Variants in NELL1 observed in about 807,000 individuals in gnomAD.
NELL1 encodes the protein neural EGFL like 1, also known as protein kinase C-binding protein NELL1.
NELL1 carries 76 observed loss-of-function variants against 107.4 expected under a neutral mutation model. The ratio of observed to expected loss-of-function variants is 0.71; its 90% CI spans 0.59 to 0.86. NELL1 has a LOEUF of 0.86. NELL1 is among the 40% of genes least tolerant of loss of function. NELL1 has a pLI of 0.00. For missense variants in NELL1, 1,024 were observed against 1,005.5 expected (o/e 1.02, Z -0.25); for synonymous variants, 353 against 341.2 (o/e 1.03, Z -0.38).
intron 3 of NELL1, among the ~76,000 whole-genome samples, chr11:20,790,250 A>G (rs1042030668): frequency 2.0e-5 from 3 of 152,142 alleles, no homozygotes; most frequent in African/African-American, 7.2e-5. Context: ...CTGCAGGCAA[A>G]TGCTGAGCTG....
intron 17 of NELL1, among the ~76,000 whole-genome samples, chr11:21,561,698 A>G (rs982998967): frequency 3.3e-4 from 50 of 152,078 alleles, no homozygotes; most frequent in African/African-American, 1.2e-3. Context: ...CCAGTTAGGT[A>G]ACTGGTAATC....
intron 4 of NELL1, among the ~76,000 whole-genome samples, chr11:20,874,769 T>G (rs1404397381): frequency 1.3e-5 from 2 of 152,198 alleles, no homozygotes; most frequent in Non-Finnish European, 2.9e-5. Flanking sequence ...TTCTCTATCT[T>G]GAGCTCAAAG....
chr11:21,396,407 A>G (rs1431954001), intron 15 of NELL1, among the ~76,000 whole-genome samples: 2 of 151,690 alleles, frequency 1.3e-5, no homozygotes, highest in African/African-American at 4.8e-5. Flanking sequence ...TCAGAATGCT[A>G]GACACAAGAG....
chr11:21,261,189 C>A (rs571304061), intron 14 of NELL1, among the ~76,000 whole-genome samples: 2 of 149,682 alleles, frequency 1.3e-5, no homozygotes, highest in Admixed American at 6.7e-5. Context: ...AATGAAATGG[C>A]CTTTTTTTTT....
intron 4 of NELL1, among the ~76,000 whole-genome samples, chr11:20,869,743 G>T (rs1322559129): frequency 6.6e-6 from 1 of 152,162 alleles, no homozygotes; most frequent in Non-Finnish European, 1.5e-5. Flanking sequence ...TACCAGGTAT[G>T]GTGAGAAGAA....
At chr11:20,894,074 C>T (rs1002135998) in intron 5 of NELL1, among the ~76,000 whole-genome samples, 1 of 152,164 alleles carries the variant, frequency 6.6e-6, no homozygotes, top group African/African-American at 2.4e-5. Flanking sequence ...AACTGAATAT[C>T]CCCATGGGGA....
intron 15 of NELL1, among the ~76,000 whole-genome samples, chr11:21,389,952 G>T (rs1010179378): frequency 1.3e-5 from 2 of 151,714 alleles, no homozygotes; most frequent in African/African-American, 4.8e-5. Flanking sequence ...TGCTGGGCAT[G>T]CTTAGGTGTA....
At chr11:20,951,144 G>A (rs1851061271) in intron 11 of NELL1, among the ~76,000 whole-genome samples, 1 of 152,160 alleles carries the variant, frequency 6.6e-6, no homozygotes, top group Non-Finnish European at 1.5e-5. Context: ...AGTGGATTTT[G>A]CTCACTGTCA....
chr11:21,241,178 G>C (rs972257645), intron 14 of NELL1, among the ~76,000 whole-genome samples: 1 of 152,068 alleles, frequency 6.6e-6, no homozygotes, highest in African/African-American at 2.4e-5. Flanking sequence ...TGGACCAGGA[G>C]ACTTTAGGAA....
intron 16 of NELL1, among the ~76,000 whole-genome samples, chr11:21,555,282 G>T (rs1184177474): frequency 6.6e-6 from 1 of 151,884 alleles, no homozygotes; most frequent in Non-Finnish European, 1.5e-5. Flanking sequence ...CTCTTAGACT[G>T]AAATAATCAA....
chr11:20,940,895 T>C (rs539477661), intron 10 of NELL1, among the ~76,000 whole-genome samples: 1 of 152,272 alleles, frequency 6.6e-6, no homozygotes, highest in African/African-American at 2.4e-5. Flanking sequence ...CCCAGCACTT[T>C]TGAGAGGCTG....
intron 14 of NELL1, among the ~76,000 whole-genome samples, chr11:21,357,868 G>T (rs979559469): frequency 6.6e-6 from 1 of 152,120 alleles, no homozygotes; most frequent in African/African-American, 2.4e-5. Context: ...CACATGGCCT[G>T]CCAGTTATCC....
chr11:20,713,042 T>C (rs996978734), intron 2 of NELL1, among the ~76,000 whole-genome samples: 9 of 152,232 alleles, frequency 5.9e-5, no homozygotes, highest in African/African-American at 2.2e-4. Context: ...GTTTTCTCTT[T>C]CCTGGGAGCA....
At chr11:20,713,468 G>A (rs1855162397) in intron 2 of NELL1, among the ~76,000 whole-genome samples, 1 of 152,136 alleles carries the variant, frequency 6.6e-6, no homozygotes, top group Admixed American at 6.6e-5. Flanking sequence ...GGTAGTGAAA[G>A]GTCTCACCCA....
intron 8 of NELL1, 41 bp from the exon 9 acceptor site, chr11:20,928,336 G>C: frequency 6.5e-7 from 1 of 1,544,286 alleles, no homozygotes; most frequent in Non-Finnish European, 9.0e-7. Flanking sequence ...AGCTATCAAA[G>C]GATACTTCTG....
chr11:20,778,879 T>C (rs1376296869), intron 2 of NELL1, among the ~76,000 whole-genome samples: 4 of 152,178 alleles, frequency 2.6e-5, no homozygotes, highest in Non-Finnish European at 4.4e-5. Flanking sequence ...GGTTAACACA[T>C]GTAGGATTGA....
At chr11:20,771,355 A>G (rs1214667036) in intron 2 of NELL1, among the ~76,000 whole-genome samples, 4 of 152,176 alleles carry the variant, frequency 2.6e-5, no homozygotes, top group African/African-American at 9.7e-5. Context: ...CAGTTTGCTA[A>G]TTAATAAGAT....
intron 15 of NELL1, among the ~76,000 whole-genome samples, chr11:21,464,879 G>A (rs1022533133): frequency 5.3e-5 from 8 of 152,102 alleles, no homozygotes; most frequent in South Asian, 2.1e-4. Context: ...GAAATATGAC[G>A]TTTTAGAAAT....
intron 2 of NELL1, among the ~76,000 whole-genome samples, chr11:20,702,779 G>T (rs924028680): frequency 6.6e-6 from 1 of 152,138 alleles, no homozygotes; most frequent in Non-Finnish European, 1.5e-5. Flanking sequence ...TGTAGTTTTT[G>T]TCTTTGGTTC....
Sources: allele counts gnomAD v4.1 joint callset (sites outside exome capture counted in the v4.1 genomes callset), GRCh38; gene constraint gnomAD v4.1.1; transcripts MANE v1.5; gene names NCBI Gene and HGNC (gene_info 2026-07-23, HGNC 2026-07-21).